RABGEF1: variants seen among roughly 807,000 people sequenced by gnomAD.
The protein encoded by RABGEF1 is rab5 GDP/GTP exchange factor.
Under a neutral mutation model 57.3 loss-of-function variants are expected in RABGEF1, and 26 were observed. That is an observed-to-expected ratio of 0.45 (90% confidence interval 0.33 to 0.63). RABGEF1 has a LOEUF of 0.63. Among genes scored for constraint, RABGEF1 ranks in the 20% least tolerant of loss-of-function variants. The pLI is 0.02. For synonymous variants in RABGEF1, 185 were observed against 210.7 expected, an observed-to-expected ratio of 0.88 and a Z score of 1.06; for missense variants, 464 against 607.6, an observed-to-expected ratio of 0.76 and a Z score of 2.48.
intron 1 of RABGEF1, among the ~76,000 whole-genome samples, chr7:66,684,491 G>T (rs1446019193): frequency 6.6e-6 from 1 of 152,152 alleles, no homozygotes; most frequent in Admixed American, 6.6e-5. Context: ...GTCTCTATCT[G>T]TCGTCCAGGT....
intron 2 of RABGEF1, among the ~76,000 whole-genome samples, chr7:66,716,516 G>A (rs537282268): frequency 6.6e-6 from 1 of 152,228 alleles, no homozygotes; most frequent in South Asian, 2.1e-4. Context: ...CATGAGGATC[G>A]CTTGAACCTG....
At chr7:66,696,053 A>G (rs1792281558) in intron 1 of RABGEF1, among the ~76,000 whole-genome samples, 1 of 151,486 alleles carries the variant, frequency 6.6e-6, no homozygotes, top group Non-Finnish European at 1.5e-5. Context: ...GGGCCTTACA[A>G]GGGACTTTAA....
chr7:66,759,212 C>T (rs143955356), intron 1 of RABGEF1, among the ~76,000 whole-genome samples: 9 of 152,274 alleles, frequency 5.9e-5, no homozygotes, highest in African/African-American at 9.6e-5. Context: ...GTAATTCGTT[C>T]GAGGCTCTCA....
At chr7:66,764,169 T>C (rs1182666754) in intron 1 of RABGEF1, among the ~76,000 whole-genome samples, 1 of 152,208 alleles carries the variant, frequency 6.6e-6, no homozygotes, top group Non-Finnish European at 1.5e-5. Context: ...GTCATCCTAC[T>C]GGATGTGAAG....
At chr7:66,670,128 C>G in the RABGEF1 span, among the ~76,000 whole-genome samples, 1 of 152,160 alleles carries the variant, frequency 6.6e-6, no homozygotes, top group Non-Finnish European at 1.5e-5. Context: ...ATCGACACCC[C>G]CCAAATAGCT....
intron 4 of RABGEF1, among the ~76,000 whole-genome samples, chr7:66,784,825 CATTT>C (rs1407891503): frequency 2.6e-5 from 4 of 151,276 alleles, no homozygotes; most frequent in African/African-American, 9.7e-5. Context: ...TAGAGTAAAA[CATTT>C]AGAGTCAAAA....
chr7:66,689,960 ACT>A (rs1791271932), intron 1 of RABGEF1, among the ~76,000 whole-genome samples: 1 of 152,112 alleles, frequency 6.6e-6, no homozygotes, highest in Admixed American at 6.6e-5. Context: ...TTTTTTGCAA[ACT>A]CTTTCAAAAA....
chr7:66,796,534 A>G (rs1418414785), intron 5 of RABGEF1, among the ~76,000 whole-genome samples: 1 of 152,236 alleles, frequency 6.6e-6, no homozygotes, highest in Non-Finnish European at 1.5e-5. Flanking sequence ...AACTTCAGTT[A>G]GAACTGAGGT....
chr7:66,798,363 G>A (rs1206393907), intron 6 of RABGEF1, among the ~76,000 whole-genome samples: 1 of 152,152 alleles, frequency 6.6e-6, no homozygotes, highest in Non-Finnish European at 1.5e-5. Context: ...TTTAAGGGGA[G>A]AAGGGACTCG....
At chr7:66,728,196 T>C (rs17566701) in intron 2 of RABGEF1, among the ~76,000 whole-genome samples, 93,736 of 152,012 alleles carry the variant, frequency 0.62, 29,573 homozygotes, top group African/African-American at 0.74. Context: ...GGCCTATCCC[T>C]AAGCACTGGC....
intron 1 of RABGEF1, among the ~76,000 whole-genome samples, chr7:66,691,515 A>G (rs1687618477): frequency 6.6e-6 from 1 of 152,190 alleles, no homozygotes; most frequent in Non-Finnish European, 1.5e-5. Context: ...AAAAACATAT[A>G]CACATGGTCT....
intron 1 of RABGEF1, among the ~76,000 whole-genome samples, chr7:66,705,257 C>T (rs544232193): frequency 2.8e-4 from 42 of 152,104 alleles, no homozygotes; most frequent in Non-Finnish European, 1.3e-4. Context: ...AAAAAATTAG[C>T]TGGGTGTGGC....
intron 1 of RABGEF1, among the ~76,000 whole-genome samples, chr7:66,769,933 C>G (rs1806655512): frequency 6.6e-6 from 1 of 152,112 alleles, no homozygotes; most frequent in South Asian, 2.1e-4. Context: ...TCCAGAATGC[C>G]CTCCCTCTTT....
chr7:66,757,891 G>A (rs1404138177), intron 1 of RABGEF1, among the ~76,000 whole-genome samples: 2 of 152,292 alleles, frequency 1.3e-5, no homozygotes, highest in African/African-American at 4.8e-5. Flanking sequence ...GATTACAGGC[G>A]TGAGCCACTG....
intron 3 of RABGEF1, among the ~76,000 whole-genome samples, chr7:66,779,663 C>T (rs1351295708): frequency 1.4e-5 from 2 of 147,760 alleles, no homozygotes; most frequent in Non-Finnish European, 3.0e-5. Flanking sequence ...CAGAGCGAGA[C>T]CCTGATTAAA....
chr7:66,801,025 G>A (rs900947851), intron 7 of RABGEF1, among the ~76,000 whole-genome samples: 2 of 152,194 alleles, frequency 1.3e-5, no homozygotes, highest in African/African-American at 4.8e-5. Context: ...TAACAAATAC[G>A]AGGTCTGTTG....
At chr7:66,779,223 G>A (rs994096049) in intron 3 of RABGEF1, among the ~76,000 whole-genome samples, 1 of 151,992 alleles carries the variant, frequency 6.6e-6, no homozygotes, top group African/African-American at 2.4e-5. Flanking sequence ...AGAGAAATAC[G>A]GCTGGCACAG....
At chr7:66,656,609 C>CT in the RABGEF1 span, among the ~76,000 whole-genome samples, 1 of 152,056 alleles carries the variant, frequency 6.6e-6, no homozygotes, top group East Asian at 1.9e-4. Context: ...ATCATGTGGT[C>CT]AGGAGTTTGA....
In RABGEF1 at chr7:66,810,230, T is replaced by G. The variant is rs1751505204; in HGVS notation, c.*946T>G. 6.6e-6 allele frequency: 1 copy of G among 152,146 alleles called. No homozygotes were observed. The highest frequency in any genetic ancestry group is 1.5e-5 in the Non-Finnish European group (1 of 68,040). The allele number at this position is 152,146 out of a possible 1,614,324, so 9.4% of individuals were successfully genotyped here. A position where few individuals can be genotyped will look rare whatever the true frequency, so the allele number is the denominator to read the frequency against. On this transcript the variant is annotated 3_prime_UTR_variant, in exon 9 of 9. Coordinates refer to ENST00000284957, the MANE Select transcript of RABGEF1 (RefSeq NM_014504.3). ...TAATATACATTTGACTTTGCAAACG[T>G]CTAGACATGTTTTCTGAACCTTTTT...
Sources: allele counts gnomAD v4.1 joint callset (sites outside exome capture counted in the v4.1 genomes callset), GRCh38; gene constraint gnomAD v4.1.1; transcripts MANE v1.5; gene names NCBI Gene and HGNC (gene_info 2026-07-23, HGNC 2026-07-21).